Variants in FGD1 observed in about 807,000 individuals in gnomAD.
FGD1 encodes the protein FYVE, RhoGEF and PH domain-containing protein 1.
In FGD1, 12 loss-of-function variants were observed where a neutral mutation model predicts 65.0. The ratio of observed to expected loss-of-function variants is 0.18; its 90% CI spans 0.12 to 0.30. FGD1 has a LOEUF of 0.30. Among genes scored for constraint, FGD1 ranks in the 10% least tolerant of loss-of-function variants. The pLI is 1.00. For missense variants in FGD1, 542 were observed against 837.6 expected (o/e 0.65, Z 4.36); for synonymous variants, 333 against 343.9 (o/e 0.97, Z 0.35).
chrX:54,482,929 G>T (rs66929746), intron 1 of FGD1, among the ~76,000 whole-genome samples: 15,202 of 111,611 alleles, frequency 0.14, 1,578 homozygotes, highest in African/African-American at 0.36. Flanking sequence ...GTGACAATGT[G>T]CCATGCCAAG....
At chrX:54,467,981 C>A in intron 5 of FGD1, 49 bp from the exon 6 acceptor site, 1 of 1,124,329 alleles carries the variant, frequency 8.9e-7, no homozygotes, top group Non-Finnish European at 1.2e-6. Flanking sequence ...TGGGGCTTGG[C>A]TGGTGAAGGG....
chrX:54,475,164 T>C (rs1305569559), intron 1 of FGD1, among the ~76,000 whole-genome samples: 4 of 112,132 alleles, frequency 3.6e-5, no homozygotes, highest in Non-Finnish European at 7.5e-5. Context: ...CAGGCAGCCC[T>C]GCAGGAAGAG....
intron 13 of FGD1, 59 bp from the exon 14 acceptor site, chrX:54,449,819 C>T: frequency 1.2e-6 from 1 of 843,047 alleles, no homozygotes. Context: ...CCCATTTCTA[C>T]CCTCGCCTCA....
intron 1 of FGD1, among the ~76,000 whole-genome samples, chrX:54,473,713 G>A (rs764260665): frequency 8.9e-5 from 10 of 112,305 alleles, no homozygotes; most frequent in African/African-American, 2.6e-4. Flanking sequence ...GGTCAGGTGC[G>A]GTGGCTGACG....
intron 8 of FGD1, among the ~76,000 whole-genome samples, chrX:54,458,605 C>T (rs1488639169): frequency 2.8e-5 from 3 of 108,231 alleles, no homozygotes; most frequent in Non-Finnish European, 5.7e-5. Context: ...GCTGACCACT[C>T]CAGCTTCCTA....
intron 8 of FGD1, 124 bp downstream of exon 8, chrX:54,465,327 G>C: frequency 1.3e-6 from 1 of 774,461 alleles, no homozygotes; most frequent in Non-Finnish European, 1.8e-6. Flanking sequence ...TCTCCTCTGG[G>C]ATTTCAATCA....
At chrX:54,479,077 T>C (rs929099144) in intron 1 of FGD1, among the ~76,000 whole-genome samples, 3 of 112,868 alleles carry the variant, frequency 2.7e-5, no homozygotes, top group African/African-American at 9.6e-5. Context: ...CATGACAATT[T>C]ATTATTATTG....
intron 1 of FGD1, among the ~76,000 whole-genome samples, chrX:54,485,410 C>A (rs1923247619): frequency 8.9e-6 from 1 of 112,156 alleles, no homozygotes; most frequent in South Asian, 3.7e-4. Context: ...CAATACTTTG[C>A]AATAGCCAGC....
intron 1 of FGD1, among the ~76,000 whole-genome samples, chrX:54,483,607 A>C (rs1923206083): frequency 9.0e-6 from 1 of 111,726 alleles, no homozygotes; most frequent in Non-Finnish European, 1.9e-5. Flanking sequence ...CCCCTCACCC[A>C]CCTGCCCTTA....
intron 15 of FGD1, 62 bp downstream of exon 15, chrX:54,449,081 G>A (rs1922314071): frequency 6.6e-6 from 8 of 1,208,263 alleles, no homozygotes; most frequent in Non-Finnish European, 6.7e-6. Context: ...CCACTCTGCA[G>A]TGGGCCTTTG....
At chrX:54,470,808 A>T (rs778538072) in intron 2 of FGD1, 48 bp from the exon 3 acceptor site, 2 of 655,057 alleles carry the variant, frequency 3.1e-6, no homozygotes, top group Non-Finnish European at 4.6e-6. Context: ...AGTGAGCTGG[A>T]TTTGAGCCTG....
intron 1 of FGD1, among the ~76,000 whole-genome samples, chrX:54,473,343 C>A (rs7063734): frequency 0.13 from 14,726 of 111,642 alleles, 1,437 homozygotes; most frequent in African/African-American, 0.34. Flanking sequence ...CCATGTCACA[C>A]CTGCAAACAT....
intron 1 of FGD1, among the ~76,000 whole-genome samples, chrX:54,483,190 G>T (rs1923191877): frequency 1.8e-5 from 2 of 111,825 alleles, no homozygotes; most frequent in African/African-American, 6.5e-5. Context: ...CAGTCAGCAA[G>T]CCTGGGAGAT....
rs1027043007 is a variant in FGD1, at chrX:54,495,107, C to G, written c.307+19G>C. 8 of 1,169,225 alleles carry G rather than the reference C, an allele frequency of 6.8e-6. No individual in the cohort carries two copies. Among genetic ancestry groups the G allele is most frequent in the Non-Finnish European group, 9.1e-6 (8 of 874,977 alleles). On this transcript the variant is annotated intron_variant, in intron 1 of 17. Transcript: ENST00000375135. ...GGCCCGTGGCCCGGGCTCCCATGCT[C>G]TCTCAGTCGCTCACTCACCAGGCCG...
chrX:54,449,045 G>A (rs1601948503), intron 15 of FGD1, 78 bp from the exon 16 acceptor site: 16 of 1,201,352 alleles, frequency 1.3e-5, no homozygotes, highest in Non-Finnish European at 1.8e-5. Context: ...CAGCAGACTT[G>A]TGGCCTCCCC....
rs886864469 is a variant in FGD1, at chrX:54,471,491, C to A, written c.308-4G>T. The A allele has an allele frequency of 8.3e-7, 1 of 1,207,987 alleles. No individual in the cohort carries two copies. Among genetic ancestry groups the A allele is most frequent in the African/African-American group, 1.7e-5 (1 of 57,221 alleles). On this transcript the variant is annotated splice_region_variant and splice_polypyrimidine_tract_variant and intron_variant, in intron 1 of 17. Transcript: ENST00000375135. Reference sequence around the variant, plus strand: ...ATCCGGTTTCCCTGGTGCAGCCCTGCAGGAAGGGAGAAAATGGGTGTGAAG... The same window carrying A: ...ATCCGGTTTCCCTGGTGCAGCCCTGAAGGAAGGGAGAAAATGGGTGTGAAG...
At chrX:54,456,875 C>T (rs1184592896) in intron 8 of FGD1, among the ~76,000 whole-genome samples, 2 of 110,982 alleles carry the variant, frequency 1.8e-5, no homozygotes, top group East Asian at 5.7e-4. Flanking sequence ...TTGTGAACCA[C>T]CCACCTCAGC....
At chrX:54,475,112 G>A in intron 1 of FGD1, among the ~76,000 whole-genome samples, 1 of 112,166 alleles carries the variant, frequency 8.9e-6, no homozygotes, top group East Asian at 2.8e-4. Context: ...TCACCTGACA[G>A]CCCACAGACA....
At chrX:54,453,633 G>A (rs1922429477) in intron 12 of FGD1, among the ~76,000 whole-genome samples, 1 of 111,593 alleles carries the variant, frequency 9.0e-6, no homozygotes, top group Admixed American at 9.6e-5. Flanking sequence ...TCGAACTCCT[G>A]GCCTCAAGTG....
Sources: gnomAD v4.1 joint callset for allele counts (sites outside exome capture counted in the v4.1 genomes callset) on GRCh38, gnomAD v4.1.1 for gene constraint, MANE v1.5 for transcripts, NCBI Gene and HGNC (gene_info 2026-07-23, HGNC 2026-07-21) for gene names.